C8orf34: variants seen among roughly 807,000 people sequenced by gnomAD.
C8orf34 encodes chromosome 8 open reading frame 34, also known as uncharacterized protein C8orf34.
Under a neutral mutation model 68.3 loss-of-function variants are expected in C8orf34, and 65 were observed. The observed-to-expected ratio is 0.95, with a 90% CI of 0.78 to 1.17. The LOEUF is 1.17. Among genes scored for constraint, C8orf34 ranks in the 50% most tolerant of loss-of-function variants. C8orf34 has a pLI of 0.00. For missense variants in C8orf34, 664 were observed against 655.4 expected, an observed-to-expected ratio of 1.01 and a Z score of -0.14; for synonymous variants, 244 against 241.2, an observed-to-expected ratio of 1.01 and a Z score of -0.11.
chr8:68,556,580 C>T (rs143489701), intron 7 of C8orf34, among the ~76,000 whole-genome samples: 38 of 152,110 alleles, frequency 2.5e-4, no homozygotes, highest in South Asian at 4.2e-4. Context: ...CCCCAGGATC[C>T]GGGCACAGGA....
intron 9 of C8orf34, among the ~76,000 whole-genome samples, chr8:68,721,139 T>C (rs1408745235): frequency 6.6e-6 from 1 of 152,026 alleles, no homozygotes; most frequent in African/African-American, 2.4e-5. Flanking sequence ...CTCTTGCCCA[T>C]TCCTGACATT....
chr8:68,818,479 G>A lies in C8orf34; in HGVS notation c.*233G>A. The A allele has an allele frequency of 2.0e-6, 1 of 492,796 alleles. No homozygotes were observed. Among genetic ancestry groups the A allele is most frequent in the Non-Finnish European group, 3.7e-6 (1 of 273,048 alleles). 30.5% of individuals were successfully genotyped at this position (492,796 alleles called of 1,614,324 possible). A position where few individuals can be genotyped will look rare whatever the true frequency, so the allele number is the denominator to read the frequency against. Reference sequence around the variant, plus strand: ...AGGAGGCCGGCTGCCTTTTGACATGGTTAGAGTCCTGGGTTTAGATTACTT... The same window carrying A: ...AGGAGGCCGGCTGCCTTTTGACATGATTAGAGTCCTGGGTTTAGATTACTT... On this transcript the variant is annotated 3_prime_UTR_variant, in exon 14 of 14. Coordinates refer to ENST00000518698, the MANE Select transcript of C8orf34 (RefSeq NM_052958.4).
chr8:68,504,797 A>G (rs1448173193), intron 5 of C8orf34, among the ~76,000 whole-genome samples: 2 of 151,532 alleles, frequency 1.3e-5, no homozygotes, highest in Admixed American at 6.6e-5. Flanking sequence ...CTCGTGCCTC[A>G]GCCTCCCAAG....
intron 1 of C8orf34, among the ~76,000 whole-genome samples, chr8:68,413,690 T>C (rs1328661648): frequency 1.3e-5 from 2 of 152,234 alleles, no homozygotes; most frequent in African/African-American, 4.8e-5. Flanking sequence ...CTTTCCCCAG[T>C]CAAGTTTACT....
chr8:68,485,679 T>C (rs1320526117), intron 4 of C8orf34, among the ~76,000 whole-genome samples: 1 of 150,332 alleles, frequency 6.7e-6, no homozygotes, highest in Non-Finnish European at 1.5e-5. Context: ...GCCATTGTAC[T>C]CCAGCCTAGG....
intron 7 of C8orf34, among the ~76,000 whole-genome samples, chr8:68,552,432 T>C (rs1250213017): frequency 1.3e-5 from 2 of 152,180 alleles, no homozygotes; most frequent in African/African-American, 4.8e-5. Context: ...TAGTCCTAAG[T>C]GTTTTTTCCA....
intron 8 of C8orf34, among the ~76,000 whole-genome samples, chr8:68,659,788 A>G (rs113286885): frequency 0.011 from 1,627 of 152,174 alleles, 34 homozygotes; most frequent in African/African-American, 0.036. Flanking sequence ...GCTCTTCATG[A>G]GTCCTGTACA....
chr8:68,571,091 C>T (rs1026719314), intron 7 of C8orf34, among the ~76,000 whole-genome samples: 2 of 152,054 alleles, frequency 1.3e-5, no homozygotes, highest in East Asian at 1.9e-4. Context: ...GAGTAGGACC[C>T]TGGAGGAAGG....
chr8:68,440,943 T>A (rs762694762), intron 2 of C8orf34, among the ~76,000 whole-genome samples: 5 of 152,028 alleles, frequency 3.3e-5, no homozygotes, highest in Non-Finnish European at 7.4e-5. Context: ...TAGCTGGAAC[T>A]ACAGGCACCC....
intron 1 of C8orf34, among the ~76,000 whole-genome samples, chr8:68,337,854 C>T (rs1284248745): frequency 6.6e-6 from 1 of 152,134 alleles, no homozygotes; most frequent in African/African-American, 2.4e-5. Flanking sequence ...TTCCTCTTCT[C>T]CCTCTCAAAA....
chr8:68,464,162 A>C (rs1005148218), intron 3 of C8orf34, among the ~76,000 whole-genome samples: 23 of 152,338 alleles, frequency 1.5e-4, no homozygotes, highest in African/African-American at 5.3e-4. Context: ...ACAAACCGAG[A>C]GCCAAATCAT....
intron 12 of C8orf34, among the ~76,000 whole-genome samples, chr8:68,813,017 T>G (rs115769893): frequency 3.9e-4 from 60 of 152,356 alleles, no homozygotes; most frequent in African/African-American, 1.4e-3. Context: ...AGAATTCACT[T>G]TAATCCCAAC....
intron 3 of C8orf34, among the ~76,000 whole-genome samples, chr8:68,457,400 T>A (rs1325185833): frequency 1.3e-5 from 2 of 152,180 alleles, no homozygotes; most frequent in Admixed American, 1.3e-4. Flanking sequence ...GGATATTTCC[T>A]GGCATATTTA....
At chr8:68,690,044 T>C (rs1820639976) in intron 8 of C8orf34, among the ~76,000 whole-genome samples, 1 of 152,054 alleles carries the variant, frequency 6.6e-6, no homozygotes, top group Non-Finnish European at 1.5e-5. Context: ...ATTTATCATA[T>C]TGCCTCATCC....
At chr8:68,801,790 T>C (rs1401810117) in intron 12 of C8orf34, among the ~76,000 whole-genome samples, 2 of 152,080 alleles carry the variant, frequency 1.3e-5, no homozygotes, top group Non-Finnish European at 1.5e-5. Flanking sequence ...TTGAAGGGGA[T>C]ATGTTTAATA....
intron 1 of C8orf34, among the ~76,000 whole-genome samples, chr8:68,368,817 G>C (rs1381919622): frequency 6.6e-6 from 1 of 152,080 alleles, no homozygotes; most frequent in Non-Finnish European, 1.5e-5. Flanking sequence ...AATTGATTCA[G>C]GTTAAGATGT....
chr8:68,745,043 A>G (rs1822440035), intron 10 of C8orf34, among the ~76,000 whole-genome samples: 1 of 152,202 alleles, frequency 6.6e-6, no homozygotes, highest in African/African-American at 2.4e-5. Context: ...CTCTCGGCAG[A>G]AACCCTACAA....
chr8:68,542,989 G>T (rs1418033258), intron 7 of C8orf34, among the ~76,000 whole-genome samples: 2 of 151,882 alleles, frequency 1.3e-5, no homozygotes, highest in Middle Eastern at 3.2e-3. Context: ...TTGTATTATT[G>T]CTTTCTCTAG....
At chr8:68,431,899 T>G (rs1183289408) in intron 1 of C8orf34, among the ~76,000 whole-genome samples, 2 of 152,220 alleles carry the variant, frequency 1.3e-5, no homozygotes, top group Admixed American at 1.3e-4. Flanking sequence ...TATTCTTTTA[T>G]TTTTCCTACC....
Sources: gnomAD v4.1 joint callset for allele counts (sites outside exome capture counted in the v4.1 genomes callset) on GRCh38, gnomAD v4.1.1 for gene constraint, MANE v1.5 for transcripts, NCBI Gene and HGNC (gene_info 2026-07-23, HGNC 2026-07-21) for gene names.